The following ZMYND11 variants were observed in gnomAD, a reference collection of about 807,000 sequenced individuals.
ZMYND11 encodes zinc finger MYND domain-containing protein 11.
In ZMYND11, 9 loss-of-function variants were observed where a neutral mutation model predicts 84.9. That is an observed-to-expected ratio of 0.11 (90% confidence interval 0.06 to 0.18). ZMYND11 has a LOEUF of 0.18. Among genes scored for constraint, ZMYND11 ranks in the 10% least tolerant of loss-of-function variants. The pLI is 1.00. For synonymous variants in ZMYND11, 250 were observed against 244.1 expected, an observed-to-expected ratio of 1.02 and a Z score of -0.23; for missense variants, 409 against 761.0, an observed-to-expected ratio of 0.54 and a Z score of 5.44.
Position 135,477 on chromosome 10 carries a change from GC to G in ZMYND11, c.-101del. The G allele has an allele frequency of 6.5e-6, 1 of 153,850 alleles. No individual in the cohort carries two copies. The highest frequency in any genetic ancestry group is 1.4e-5 in the Non-Finnish European group (1 of 69,704). The allele number at this position is 153,850 out of a possible 1,614,324, so 9.5% of individuals were successfully genotyped here. A position where few individuals can be genotyped will look rare whatever the true frequency, so the allele number is the denominator to read the frequency against. The stretch of plus-strand genomic sequence containing the variant: ...CCCGTCGCCGGCTCAGGCCCGAGAG[GC>G]GCCGGGCGGCGGGAAGGAGGCGGCA... On this transcript the variant is annotated 5_prime_UTR_variant, in exon 1 of 15. Transcript: ENST00000381604. The surrounding 1 kb of genome is among the most constrained non-coding windows in gnomAD (Gnocchi z 5.6).
intron 1 of ZMYND11, among the ~76,000 whole-genome samples, chr10:139,994 C>A (rs1554753550): frequency 1.3e-5 from 2 of 152,180 alleles, no homozygotes; most frequent in African/African-American, 4.8e-5. Context: ...GCATGAGCCA[C>A]CGTGCCTGGC....
At chr10:184,218 C>T (rs1383592293) in intron 2 of ZMYND11, among the ~76,000 whole-genome samples, 2 of 152,012 alleles carry the variant, frequency 1.3e-5, no homozygotes, top group Non-Finnish European at 2.9e-5. Context: ...TTATTTTATG[C>T]AACATTAAAT....
At chr10:149,327 T>TTA (rs1554756330) in intron 1 of ZMYND11, among the ~76,000 whole-genome samples, 6 of 87,528 alleles carry the variant, frequency 6.9e-5, no homozygotes, top group East Asian at 4.5e-4. Flanking sequence ...TATTATTATT[T>TTA]TTCAGACCAG....
intron 2 of ZMYND11, among the ~76,000 whole-genome samples, chr10:185,944 C>T (rs911880911): frequency 2.6e-5 from 4 of 151,794 alleles, no homozygotes; most frequent in African/African-American, 4.8e-5. Context: ...GAGTGTTCTC[C>T]ATGTTGTGTA....
intron 2 of ZMYND11, 130 bp downstream of exon 2, chr10:180,258 C>T (rs75721986): frequency 1.7e-6 from 1 of 590,578 alleles, no homozygotes; most frequent in Non-Finnish European, 2.9e-6. Flanking sequence ...TTTTGCTTTG[C>T]AGGAGTATTA....
At chr10:170,607 G>A (rs1045096931) in intron 1 of ZMYND11, among the ~76,000 whole-genome samples, 11 of 152,062 alleles carry the variant, frequency 7.2e-5, no homozygotes, top group African/African-American at 2.7e-4. Flanking sequence ...GCAGTATAAT[G>A]TTATTCGAAA....
chr10:217,471 C>T (rs979210838), intron 3 of ZMYND11, among the ~76,000 whole-genome samples: 1 of 149,378 alleles, frequency 6.7e-6, no homozygotes, highest in East Asian at 2.0e-4. Flanking sequence ...TGCAGTGAGC[C>T]GAGATTTCGC....
chr10:241,805 C>T (rs1246005472), intron 9 of ZMYND11, among the ~76,000 whole-genome samples: 1 of 152,122 alleles, frequency 6.6e-6, no homozygotes, highest in Non-Finnish European at 1.5e-5. Flanking sequence ...GGCCTTGCTC[C>T]AGTCCCGACC....
At chr10:191,420 A>G (rs1261685893) in intron 2 of ZMYND11, among the ~76,000 whole-genome samples, 2 of 152,226 alleles carry the variant, frequency 1.3e-5, no homozygotes. Context: ...TCATCCTCAC[A>G]ACAACTGTGA....
intron 14 of ZMYND11, 86 bp downstream of exon 14, chr10:249,174 A>G: frequency 1.3e-6 from 2 of 1,575,720 alleles, no homozygotes; most frequent in South Asian, 2.4e-5. Flanking sequence ...GCTGTGGCAC[A>G]TGCAGAAGAT....
At chr10:181,715 G>T (rs1037302980) in intron 2 of ZMYND11, among the ~76,000 whole-genome samples, 1 of 152,062 alleles carries the variant, frequency 6.6e-6, no homozygotes, top group Non-Finnish European at 1.5e-5. Flanking sequence ...TTCTGTACTC[G>T]CCTTTGTGGT....
chr10:240,494 TTC>T lies in ZMYND11; in HGVS notation c.753+385_753+386del, dbSNP rs1334815520. On this transcript the variant is annotated intron_variant, in intron 8 of 14. Transcript: ENST00000381604. ...ACCCCAGCCTGGTGACAAAATGAGA[TTC>T]TGTCTCAAAACAAAACAAAAAAAGG... Among the ~76,000 whole-genome samples, 10 of 152,178 alleles carry T rather than the reference TTC, an allele frequency of 6.6e-5. No individual in the cohort carries two copies. In the East Asian group the frequency reaches 1.2e-3, roughly 18 times the overall value.
intron 3 of ZMYND11, among the ~76,000 whole-genome samples, chr10:212,857 G>A (rs1370694998): frequency 6.6e-6 from 1 of 152,036 alleles, no homozygotes; most frequent in Non-Finnish European, 1.5e-5. Flanking sequence ...TCAAACACAA[G>A]ACTTGTAAAG....
At chr10:200,667 T>C (rs530567783) in intron 2 of ZMYND11, among the ~76,000 whole-genome samples, 1 of 152,188 alleles carries the variant, frequency 6.6e-6, no homozygotes, top group South Asian at 2.1e-4. Flanking sequence ...GGATTATCTG[T>C]AAGGCTGTTG....
At chr10:178,367 T>C (rs1554767347) in intron 1 of ZMYND11, among the ~76,000 whole-genome samples, 1 of 152,226 alleles carries the variant, frequency 6.6e-6, no homozygotes, top group East Asian at 1.9e-4. Context: ...TGTTCATTTA[T>C]CTGAGTATTT....
At chr10:247,270 G>A in intron 11 of ZMYND11, 128 bp from the exon 12 acceptor site, 1 of 1,088,080 alleles carries the variant, frequency 9.2e-7, no homozygotes, top group Admixed American at 2.3e-5. Context: ...AGTGGTAACT[G>A]AGTGGATGGA....
chr10:171,326 T>TATGTCA (rs1177935079), intron 1 of ZMYND11, among the ~76,000 whole-genome samples: 1 of 152,148 alleles, frequency 6.6e-6, no homozygotes, highest in East Asian at 1.9e-4. Flanking sequence ...TGGATATAAT[T>TATGTCA]GACATCTATA....
At position 248,402 on chromosome 10, in the gene ZMYND11, G is replaced by A. The variant is rs1057518819; in HGVS notation, c.1294G>A (p.Glu432Lys). ...AATACCCACGATGCCTCAGCCCATC[G>A]AAAAAGTCTCCGTGTCAACTCAGAC... ...QEIPTMPQPIEKVSVSTQTKK... is the reference protein window; with the variant it reads ...QEIPTMPQPIKKVSVSTQTKK... The change falls in exon 13 of 15, where the codon GAA becomes AAA. Residue 432 changes from glutamate to lysine, a missense_variant. Glu to Lys is a moderately conservative substitution (Grantham distance 56). This residue lies in a region of ZMYND11 where 141 missense variants were observed against 173.8 expected (regional missense o/e 0.81). Transcript: ENST00000381604. 6.2e-7 allele frequency: 1 copy of A among 1,614,066 alleles called. No individual in the cohort carries two copies. The highest frequency in any genetic ancestry group is 1.7e-5 in the Admixed American group (1 of 60,004).
intron 4 of ZMYND11, 128 bp from the exon 5 acceptor site, chr10:236,710 T>C: frequency 1.4e-6 from 1 of 724,298 alleles, no homozygotes; most frequent in African/African-American, 1.8e-5. Context: ...GTCAGATATG[T>C]TGGAAAAAGA....
Sources: gnomAD v4.1 joint callset for allele counts (sites outside exome capture counted in the v4.1 genomes callset) on GRCh38, gnomAD v4.1.1 for gene constraint, gnomAD v4.1.1 regional missense constraint, Gnocchi (gnomAD v3.1) non-coding constraint, MANE v1.5 for transcripts, NCBI Gene and HGNC (gene_info 2026-07-23, HGNC 2026-07-21) for gene names.